ZC3H12B: variants seen among roughly 807,000 people sequenced by gnomAD.
ZC3H12B encodes the protein probable ribonuclease ZC3H12B.
A neutral mutation model predicts 43.9 loss-of-function variants in ZC3H12B; 7 were observed. That is an observed-to-expected ratio of 0.16 (90% CI 0.09 to 0.30). The LOEUF is 0.30. ZC3H12B is among the 10% of genes least tolerant of loss of function. The probability of loss-of-function intolerance (pLI) is 1.00; values close to 1 mark genes in which losing one functional copy is unlikely to be tolerated. For synonymous variants in ZC3H12B, 222 were observed against 241.7 expected (o/e 0.92, Z 0.76); for missense variants, 475 against 670.2 (o/e 0.71, Z 3.22).
chrX:65,458,115 C>G (rs1357587839), intron 3 of ZC3H12B, among the ~76,000 whole-genome samples: 1 of 88,022 alleles, frequency 1.1e-5, no homozygotes, highest in Non-Finnish European at 2.2e-5. Context: ...ACAAAGAAGG[C>G]CATTACATAA....
chrX:65,469,246 A>C (rs1246108272), intron 3 of ZC3H12B: 10 of 237,992 alleles, frequency 4.2e-5, no homozygotes, highest in Non-Finnish European at 2.4e-5. Context: ...GGCAAGTCAA[A>C]GGTGCCACTC....
the ZC3H12B span, among the ~76,000 whole-genome samples, chrX:65,050,501 G>GT: frequency 9.0e-6 from 1 of 111,051 alleles, no homozygotes. Context: ...AAAGCTTTCA[G>GT]TTTTTTATCA....
chrX:65,318,707 A>G, the ZC3H12B span, among the ~76,000 whole-genome samples: 2 of 111,038 alleles, frequency 1.8e-5, no homozygotes, highest in African/African-American at 6.6e-5. Flanking sequence ...GGCGTGAACC[A>G]CCGCATCCAG....
At chrX:65,188,096 A>G in the ZC3H12B span, among the ~76,000 whole-genome samples, 5 of 111,287 alleles carry the variant, frequency 4.5e-5, no homozygotes, top group Admixed American at 9.6e-5. Context: ...ACTTAACATA[A>G]TGACCTCCAA....
chrX:65,218,235 G>T, the ZC3H12B span, among the ~76,000 whole-genome samples: 2 of 111,824 alleles, frequency 1.8e-5, no homozygotes, highest in Admixed American at 9.5e-5. Context: ...GATGGACAGA[G>T]CAGCATGTGG....
the ZC3H12B span, among the ~76,000 whole-genome samples, chrX:65,141,486 C>T: frequency 7.5e-5 from 8 of 107,232 alleles, no homozygotes; most frequent in Non-Finnish European, 1.5e-4. Flanking sequence ...CTACATATGC[C>T]CTCTGTTTCT....
the ZC3H12B span, among the ~76,000 whole-genome samples, chrX:65,167,257 A>C: frequency 1.8e-5 from 2 of 112,178 alleles, no homozygotes; most frequent in Admixed American, 1.9e-4. Context: ...AGCTTTCTAC[A>C]TATGGCTAGC....
chrX:65,128,629 C>G, the ZC3H12B span, among the ~76,000 whole-genome samples: 1 of 111,787 alleles, frequency 8.9e-6, no homozygotes, highest in African/African-American at 3.2e-5. Flanking sequence ...TGTTCTATCA[C>G]TTGTTAAGAG....
intron 3 of ZC3H12B, among the ~76,000 whole-genome samples, chrX:65,448,354 G>A (rs760522792): frequency 1.2e-4 from 14 of 112,049 alleles, no homozygotes; most frequent in Non-Finnish European, 2.4e-4. Flanking sequence ...AATAATTAAA[G>A]GTAGACTATG....
At chrX:65,264,807 G>T in the ZC3H12B span, among the ~76,000 whole-genome samples, 1 of 111,628 alleles carries the variant, frequency 9.0e-6, no homozygotes, top group Non-Finnish European at 1.9e-5. Context: ...AGGTCTGCTG[G>T]TAGAATTAGT....
chrX:65,122,047 G>A, the ZC3H12B span, among the ~76,000 whole-genome samples: 13,650 of 110,536 alleles, frequency 0.12, 2,054 homozygotes, highest in African/African-American at 0.42. Context: ...TGCATTTGCT[G>A]AGGAGTGCTT....
the ZC3H12B span, among the ~76,000 whole-genome samples, chrX:65,293,788 C>T: frequency 1.8e-3 from 205 of 110,867 alleles, no homozygotes; most frequent in African/African-American, 6.3e-3. Context: ...TTGAATTAAC[C>T]CAATCCAAGA....
chrX:65,455,809 TG>T (rs2067600166), intron 3 of ZC3H12B, among the ~76,000 whole-genome samples: 1 of 111,053 alleles, frequency 9.0e-6, no homozygotes, highest in Non-Finnish European at 1.9e-5. Context: ...CAGAAGAGAG[TG>T]GGGGCCAATA....
the ZC3H12B span, among the ~76,000 whole-genome samples, chrX:65,332,101 C>T: frequency 9.0e-6 from 1 of 110,833 alleles, no homozygotes; most frequent in African/African-American, 3.3e-5. Context: ...TTTTACCCAG[C>T]CCCTATTCAA....
chrX:65,129,471 G>A, the ZC3H12B span, among the ~76,000 whole-genome samples: 1 of 109,434 alleles, frequency 9.1e-6, no homozygotes, highest in Non-Finnish European at 1.9e-5. Flanking sequence ...TACAGTCAAA[G>A]GGGTTGTTCT....
chrX:65,168,704 G>T, the ZC3H12B span, among the ~76,000 whole-genome samples: 3 of 111,013 alleles, frequency 2.7e-5, no homozygotes, highest in Non-Finnish European at 3.8e-5. Context: ...ATTAATTATT[G>T]CCTCAATTTC....
the ZC3H12B span, among the ~76,000 whole-genome samples, chrX:65,251,721 C>T: frequency 9.0e-6 from 1 of 111,229 alleles, no homozygotes; most frequent in East Asian, 2.8e-4. Context: ...GGAGTTCACT[C>T]ATGATTTGGC....
the ZC3H12B span, among the ~76,000 whole-genome samples, chrX:65,120,331 G>T: frequency 1.3e-4 from 14 of 111,170 alleles, no homozygotes; most frequent in African/African-American, 4.3e-4. Flanking sequence ...ATTGAGCAGA[G>T]GTTTGTAGTT....
At chrX:65,370,033 G>T (rs1051683365) in intron 2 of ZC3H12B, among the ~76,000 whole-genome samples, 1 of 111,304 alleles carries the variant, frequency 9.0e-6, no homozygotes, top group African/African-American at 3.3e-5. Context: ...GATCACTTGA[G>T]CTCAGGAGTT....
Sources: allele counts gnomAD v4.1 joint callset (sites outside exome capture counted in the v4.1 genomes callset), GRCh38; gene constraint gnomAD v4.1.1; transcripts MANE v1.5; gene names NCBI Gene and HGNC (gene_info 2026-07-23, HGNC 2026-07-21).